The following PCCA variants were observed in gnomAD, a reference collection of about 807,000 sequenced individuals.
The protein encoded by PCCA is propionyl-CoA carboxylase alpha chain, mitochondrial.
A neutral mutation model predicts 101.3 loss-of-function variants in PCCA; 74 were observed. That is an observed-to-expected ratio of 0.73 (90% CI 0.61 to 0.89). The LOEUF (loss-of-function observed/expected upper bound fraction) is 0.89, where lower values mean the gene tolerates loss of function less well. Among genes scored for constraint, PCCA ranks in the 40% least tolerant of loss-of-function variants. PCCA has a pLI of 0.00. For missense variants in PCCA, 891 were observed against 907.0 expected (o/e 0.98, Z 0.23); for synonymous variants, 294 against 313.6 (o/e 0.94, Z 0.66).
At chr13:100,151,313 T>C (rs912176804) in intron 4 of PCCA, among the ~76,000 whole-genome samples, 2 of 152,046 alleles carry the variant, frequency 1.3e-5, no homozygotes, top group Non-Finnish European at 2.9e-5. Context: ...AATGCTTGGC[T>C]GGGCGCGGTG....
intron 21 of PCCA, among the ~76,000 whole-genome samples, chr13:100,494,793 G>A (rs1233265188): frequency 2.6e-5 from 4 of 152,136 alleles, no homozygotes; most frequent in Admixed American, 2.6e-4. Flanking sequence ...CAGTCCTGTG[G>A]CGGTCTGTTC....
At chr13:100,485,793 A>G (rs554704038) in intron 21 of PCCA, among the ~76,000 whole-genome samples, 7 of 152,320 alleles carry the variant, frequency 4.6e-5, no homozygotes, top group Admixed American at 2.0e-4. Flanking sequence ...GAGGCACCAT[A>G]GATTCTCTCT....
intron 6 of PCCA, among the ~76,000 whole-genome samples, chr13:100,189,172 A>G (rs2057555916): frequency 6.6e-6 from 1 of 152,132 alleles, no homozygotes; most frequent in Non-Finnish European, 1.5e-5. Context: ...TTTGCTGAGA[A>G]TGATGGTTTC....
In PCCA at chr13:100,330,569, CATA is replaced by C; in HGVS notation, c.1442_1444del (p.Asn481del). The C allele has an allele frequency of 1.3e-6, 2 of 1,590,980 alleles. No homozygotes were observed. The highest frequency in any genetic ancestry group is 1.7e-6 in the Non-Finnish European group (2 of 1,159,746). ...TATCATTTTACTTTTAGGTGTTACA[CATA>C]ATATTGCATTACTTCGAGAGGTGAT... On this transcript the variant is annotated inframe_deletion, in exon 17 of 24. Coordinates refer to ENST00000376285, the MANE Select transcript of PCCA (RefSeq NM_000282.4).
chr13:100,425,347 T>G (rs573345922), intron 19 of PCCA, among the ~76,000 whole-genome samples: 43 of 151,298 alleles, frequency 2.8e-4, no homozygotes, highest in African/African-American at 1.0e-3. Context: ...GCAGTAAATG[T>G]AGCATGTCCA....
intron 20 of PCCA, 46 bp from the exon 21 acceptor site, chr13:100,449,206 G>T: frequency 1.7e-6 from 2 of 1,199,924 alleles, no homozygotes; most frequent in East Asian, 2.6e-5. Flanking sequence ...TTACATACAA[G>T]CTGTGCAGAT....
intron 2 of PCCA, among the ~76,000 whole-genome samples, chr13:100,111,178 CTTTTTTT>C (rs965293674): frequency 7.1e-5 from 7 of 98,532 alleles, no homozygotes; most frequent in South Asian, 3.7e-4. Flanking sequence ...GACCCAGCTC[CTTTTTTT>C]TTTTTTTTTT....
intron 21 of PCCA, among the ~76,000 whole-genome samples, chr13:100,463,110 G>C (rs2152944480): frequency 6.6e-6 from 1 of 152,288 alleles, no homozygotes; most frequent in East Asian, 1.9e-4. Flanking sequence ...TAAAGGCGCA[G>C]AGGTATTAAG....
intron 18 of PCCA, among the ~76,000 whole-genome samples, chr13:100,354,560 A>C (rs2073753807): frequency 6.6e-6 from 1 of 152,190 alleles, no homozygotes; most frequent in African/African-American, 2.4e-5. Context: ...AATCAATAAA[A>C]GCAAAATGTG....
chr13:100,457,789 G>T (rs2081855680), intron 21 of PCCA, among the ~76,000 whole-genome samples: 1 of 152,178 alleles, frequency 6.6e-6, no homozygotes, highest in East Asian at 1.9e-4. Flanking sequence ...TTGTCTCCTG[G>T]TAGTGATGTG....
intron 20 of PCCA, among the ~76,000 whole-genome samples, chr13:100,435,997 C>T (rs1004558262): frequency 1.3e-5 from 2 of 151,316 alleles, no homozygotes; most frequent in East Asian, 1.9e-4. Context: ...GAGCTGAGAT[C>T]GAGCCATTGC....
At chr13:100,232,349 T>TGCGTGTGC (rs1272164983) in intron 7 of PCCA, among the ~76,000 whole-genome samples, 2 of 88,030 alleles carry the variant, frequency 2.3e-5, no homozygotes, top group South Asian at 6.2e-4. Flanking sequence ...TGTGTGTGTA[T>TGCGTGTGC]GCGTGTGTGT....
At chr13:100,288,008 A>G (rs4772280) in intron 12 of PCCA, among the ~76,000 whole-genome samples, 2,900 of 152,304 alleles carry the variant, frequency 0.019, 115 homozygotes, top group East Asian at 0.12. Context: ...GGGAGTATCA[A>G]AATTTAAGAT....
At chr13:100,483,369 G>A (rs1245448191) in intron 21 of PCCA, among the ~76,000 whole-genome samples, 1 of 152,134 alleles carries the variant, frequency 6.6e-6, no homozygotes, top group Non-Finnish European at 1.5e-5. Flanking sequence ...CATGTGTCCG[G>A]CGCTGTCCTT....
intron 12 of PCCA, among the ~76,000 whole-genome samples, chr13:100,289,020 C>T (rs2064918793): frequency 1.3e-5 from 2 of 152,096 alleles, no homozygotes; most frequent in Non-Finnish European, 2.9e-5. Context: ...GAGTATCAGA[C>T]ATTATATAAA....
At chr13:100,319,845 T>C (rs2067816720) in intron 16 of PCCA, among the ~76,000 whole-genome samples, 1 of 152,154 alleles carries the variant, frequency 6.6e-6, no homozygotes, top group East Asian at 1.9e-4. Context: ...ATATGAACTT[T>C]AAAGATCCAA....
Position 100,181,966 on chromosome 13 carries a change from A to G in PCCA, c.468+24626A>G, listed in dbSNP as rs905755657. 7.0e-5 allele frequency among the ~76,000 whole-genome samples: 10 copies of G among 142,440 alleles called. No individual in the cohort carries two copies. The East Asian group carries it at 2.1e-3, about 30-fold the overall frequency. The allele number at this position is 142,440 out of a possible 152,430, so 93.4% of individuals were successfully genotyped here. ...TTTTTTGTAGAGATGGGGTCTCGCC[A>G]TGTTTCTCAGGCTGGTCTTGAACTC... On this transcript the variant is annotated intron_variant, in intron 6 of 23. Coordinates refer to ENST00000376285, the MANE Select transcript of PCCA (RefSeq NM_000282.4).
At chr13:100,440,156 TTATATATATATATATATATA>T (rs398024171) in intron 20 of PCCA, among the ~76,000 whole-genome samples, 17,890 of 92,738 alleles carry the variant, frequency 0.19, 1,906 homozygotes, top group Middle Eastern at 0.27. Context: ...GAGTATTAAA[TTATATATATATATATATATA>T]TATATATATA....
intron 1 of PCCA, among the ~76,000 whole-genome samples, chr13:100,091,224 A>C (rs1021305925): frequency 6.6e-6 from 1 of 152,148 alleles, no homozygotes; most frequent in African/African-American, 2.4e-5. Context: ...GAGGGATGAC[A>C]CTGACATTTT....
Sources: gnomAD v4.1 joint callset for allele counts (sites outside exome capture counted in the v4.1 genomes callset) on GRCh38, gnomAD v4.1.1 for gene constraint, MANE v1.5 for transcripts, NCBI Gene and HGNC (gene_info 2026-07-23, HGNC 2026-07-21) for gene names.